UNC80: variants seen among roughly 807,000 people sequenced by gnomAD.
UNC80 encodes protein unc-80 homolog.
UNC80 carries 164 observed loss-of-function variants against 384.6 expected under a neutral mutation model. The observed-to-expected ratio is 0.43, with a 90% CI of 0.38 to 0.49. The LOEUF (loss-of-function observed/expected upper bound fraction) is 0.49. Among genes scored for constraint, UNC80 ranks in the 20% least tolerant of loss-of-function variants. The pLI is 0.00. For synonymous variants in UNC80, 1,486 were observed against 1,527.8 expected, an observed-to-expected ratio of 0.97 and a Z score of 0.64; for missense variants, 3,330 against 4,143.0, an observed-to-expected ratio of 0.80 and a Z score of 5.39.
At position 209,839,315 on chromosome 2, in the gene UNC80, G is replaced by T. The variant is rs1343925812; in HGVS notation, c.3135G>T (p.Gln1045His). Residue 1045 changes from glutamine (Q) to histidine (H), a missense_variant, in exon 19 of 65, where the codon CAG becomes CAT. Transcript: ENST00000673920. The surrounding 1 kb of genome is among the most constrained non-coding windows in gnomAD (Gnocchi z 4.1). The part of the protein sequence containing the change: ...SQSAASDTSS[Q>H]SEQDTSECTT... ...GTGCAGCAAGTGACACCAGCAGCCA[G>T]TCTGAACAGGACACTTCAGAATGCA... is the stretch of plus-strand genomic sequence containing the variant. 3 of 1,551,634 alleles carry T rather than the reference G, an allele frequency of 1.9e-6. No individual in the cohort carries two copies. The African/African-American group carries it at 4.1e-5, about 21-fold the overall frequency.
chr2:209,900,531 G>A (rs1195090620), intron 28 of UNC80, among the ~76,000 whole-genome samples: 1 of 152,092 alleles, frequency 6.6e-6, no homozygotes, highest in Admixed American at 6.6e-5. Context: ...CCCTCTTCTA[G>A]GGCCTCCCTA....
intron 25 of UNC80, among the ~76,000 whole-genome samples, chr2:209,882,297 G>A (rs1451494771): frequency 6.6e-6 from 1 of 152,078 alleles, no homozygotes; most frequent in Non-Finnish European, 1.5e-5. Flanking sequence ...AACTCGGCAT[G>A]AGCAAGGCCG....
chr2:209,954,337 G>GA, intron 48 of UNC80, 67 bp downstream of exon 48: 2 of 1,333,516 alleles, frequency 1.5e-6, no homozygotes, highest in Non-Finnish European at 2.0e-6. Context: ...AAAAAAATAA[G>GA]AAAAAAATGT....
At chr2:209,964,384 G>C (rs1486548711) in intron 51 of UNC80, among the ~76,000 whole-genome samples, 1 of 152,134 alleles carries the variant, frequency 6.6e-6, no homozygotes, top group Non-Finnish European at 1.5e-5. Context: ...GTAGGCCCTG[G>C]ATTTAACTTC....
intron 61 of UNC80, among the ~76,000 whole-genome samples, chr2:209,988,861 A>T (rs891417973): frequency 1.3e-5 from 2 of 152,202 alleles, no homozygotes; most frequent in African/African-American, 2.4e-5. Context: ...GATATTTTTC[A>T]TTGACTCAAA....
intron 29 of UNC80, 63 bp downstream of exon 29, chr2:209,905,028 C>A: frequency 6.6e-7 from 1 of 1,514,882 alleles, no homozygotes; most frequent in Non-Finnish European, 9.0e-7. Flanking sequence ...ACAATTTCTT[C>A]TCTGGAAATA....
At chr2:209,886,158 A>AT (rs1157124155) in intron 25 of UNC80, among the ~76,000 whole-genome samples, 2 of 151,840 alleles carry the variant, frequency 1.3e-5, no homozygotes, top group African/African-American at 2.4e-5. Flanking sequence ...AAATATTTTT[A>AT]TTTTTTATAT....
At position 209,927,956 on chromosome 2, in the gene UNC80, A is replaced by C. The variant is rs145576673; in HGVS notation, c.5806+970A>C. ...GAATGCTGGAATTGCATTCTAGATG[A>C]ATATTAATATAAAAAGTGTTAATAC... is the stretch of plus-strand genomic sequence containing the variant. On this transcript the variant is annotated intron_variant, in intron 36 of 64. Coordinates refer to ENST00000673920, the MANE Select transcript of UNC80 (RefSeq NM_001371986.1). Among the ~76,000 whole-genome samples the C allele has an allele frequency of 1.6e-4, 24 of 152,316 alleles. 1 individual carries two copies. The East Asian group carries it at 4.6e-3, about 29-fold the overall frequency.
intron 22 of UNC80, among the ~76,000 whole-genome samples, chr2:209,855,010 A>G (rs571286913): frequency 1.3e-5 from 2 of 152,374 alleles, no homozygotes; most frequent in East Asian, 3.9e-4. Flanking sequence ...TGTTTATTGC[A>G]GCACTATTTA....
At chr2:209,984,408 T>G (rs1161421991) in intron 60 of UNC80, among the ~76,000 whole-genome samples, 1 of 152,166 alleles carries the variant, frequency 6.6e-6, no homozygotes, top group Non-Finnish European at 1.5e-5. Flanking sequence ...GTAAGTGGTT[T>G]CTGTGTGCTA....
At chr2:209,786,523 T>C (rs2077434651) in intron 5 of UNC80, among the ~76,000 whole-genome samples, 1 of 152,194 alleles carries the variant, frequency 6.6e-6, no homozygotes, top group Non-Finnish European at 1.5e-5. Flanking sequence ...TGGCACATAG[T>C]AAGTGGCAGC....
At chr2:209,789,973 G>C (rs966700780) in intron 6 of UNC80, among the ~76,000 whole-genome samples, 4 of 151,886 alleles carry the variant, frequency 2.6e-5, no homozygotes, top group Non-Finnish European at 5.9e-5. Flanking sequence ...ATCCCCTAAT[G>C]CTTGTTAAGT....
intron 29 of UNC80, among the ~76,000 whole-genome samples, chr2:209,909,042 T>A (rs2088604908): frequency 6.6e-6 from 1 of 152,234 alleles, no homozygotes; most frequent in South Asian, 2.1e-4. Flanking sequence ...ACCTTGTTAT[T>A]TCCACACTGA....
At chr2:209,782,421 T>C (rs1273857720) in intron 4 of UNC80, among the ~76,000 whole-genome samples, 1 of 152,136 alleles carries the variant, frequency 6.6e-6, no homozygotes, top group African/African-American at 2.4e-5. Context: ...CTCCTACTTA[T>C]CCTTTAGGAC....
intron 56 of UNC80, among the ~76,000 whole-genome samples, chr2:209,973,833 A>G (rs1460131354): frequency 2.0e-5 from 3 of 152,174 alleles, no homozygotes; most frequent in Non-Finnish European, 1.5e-5. Flanking sequence ...TGCCCCTACT[A>G]GCTCTTTTTC....
At chr2:209,809,374 G>A in intron 7 of UNC80, 1 of 985,898 alleles carries the variant, frequency 1.0e-6, no homozygotes, top group Non-Finnish European at 1.6e-6. Flanking sequence ...GCTGCTGCGG[G>A]GCCATGTCCG....
intron 61 of UNC80, among the ~76,000 whole-genome samples, chr2:209,990,904 A>G (rs1438901703): frequency 6.6e-6 from 1 of 152,168 alleles, no homozygotes; most frequent in Non-Finnish European, 1.5e-5. Flanking sequence ...TTTCATAAAA[A>G]CCGTGATAAA....
At chr2:209,773,174 C>T (rs1214475337) in intron 2 of UNC80, 32 bp downstream of exon 2, 2 of 1,589,926 alleles carry the variant, frequency 1.3e-6, no homozygotes, top group Admixed American at 3.3e-5. Flanking sequence ...ATAATTATTT[C>T]CCTATTCTGT....
chr2:209,839,507 T>A lies in UNC80; in HGVS notation c.3250+77T>A. 2 of 1,462,502 alleles carry A rather than the reference T, an allele frequency of 1.4e-6. No individual in the cohort carries two copies. The highest frequency in any genetic ancestry group is 4.1e-5 in the Admixed American group (2 of 48,924). The allele number at this position is 1,462,502 out of a possible 1,614,324, so 90.6% of individuals were successfully genotyped here. ...CTCAGATCAACTCAGTGATGCATAGTAGGGCCGAAAAAGAAGACCTTCAAG... is the reference window on the plus strand; with the variant it reads ...CTCAGATCAACTCAGTGATGCATAGAAGGGCCGAAAAAGAAGACCTTCAAG... On this transcript the variant is annotated intron_variant, in intron 19 of 64. Coordinates refer to ENST00000673920, the MANE Select transcript of UNC80 (RefSeq NM_001371986.1). The surrounding 1 kb of genome is among the most constrained non-coding windows in gnomAD (Gnocchi z 4.1).
Sources: allele counts gnomAD v4.1 joint callset (sites outside exome capture counted in the v4.1 genomes callset), GRCh38; gene constraint gnomAD v4.1.1; non-coding constraint Gnocchi (gnomAD v3.1); transcripts MANE v1.5; gene names NCBI Gene and HGNC (gene_info 2026-07-23, HGNC 2026-07-21).